The following PTPRG variants were observed in gnomAD, a reference collection of about 807,000 sequenced individuals.
PTPRG encodes the protein protein tyrosine phosphatase receptor type G.
Under a neutral mutation model 165.3 loss-of-function variants are expected in PTPRG, and 102 were observed. The ratio of observed to expected loss-of-function variants is 0.62; its 90% confidence interval spans 0.53 to 0.73. The LOEUF (loss-of-function observed/expected upper bound fraction) is 0.73, where lower values mean the gene tolerates loss of function less well. PTPRG is among the 30% of genes least tolerant of loss of function. PTPRG has a pLI of 0.00. For missense variants in PTPRG, 1,866 were observed against 1,861.4 expected, an observed-to-expected ratio of 1.00 and a Z score of -0.05; for synonymous variants, 675 against 669.5, an observed-to-expected ratio of 1.01 and a Z score of -0.13.
At chr3:61,913,240 G>A (rs948664632) in intron 2 of PTPRG, among the ~76,000 whole-genome samples, 4 of 152,192 alleles carry the variant, frequency 2.6e-5, no homozygotes, top group Middle Eastern at 3.4e-3. Flanking sequence ...TTTTTTCTGA[G>A]ACGGAGTCTC....
At chr3:62,246,004 C>T (rs184269059) in intron 15 of PTPRG, among the ~76,000 whole-genome samples, 1 of 152,230 alleles carries the variant, frequency 6.6e-6, no homozygotes, top group African/African-American at 2.4e-5. Flanking sequence ...TTCCCAGTTA[C>T]CTATTTAATT....
intron 1 of PTPRG, among the ~76,000 whole-genome samples, chr3:61,656,164 T>A (rs1702504971): frequency 6.6e-6 from 1 of 152,024 alleles, no homozygotes; most frequent in African/African-American, 2.4e-5. Context: ...CCCAGGAGTT[T>A]GAAGCTGCAG....
At chr3:61,570,852 G>A (rs770769913) in intron 1 of PTPRG, among the ~76,000 whole-genome samples, 2 of 152,144 alleles carry the variant, frequency 1.3e-5, no homozygotes, top group Admixed American at 1.3e-4. Flanking sequence ...TTCCAGAAGC[G>A]TTTCTCTTCA....
At chr3:61,981,115 C>G (rs920241000) in intron 2 of PTPRG, among the ~76,000 whole-genome samples, 2 of 152,202 alleles carry the variant, frequency 1.3e-5, no homozygotes, top group Admixed American at 1.3e-4. Flanking sequence ...CACCTCTTCA[C>G]TGGGTGGCAG....
At chr3:62,050,226 A>G (rs956464146) in intron 4 of PTPRG, among the ~76,000 whole-genome samples, 1 of 152,214 alleles carries the variant, frequency 6.6e-6, no homozygotes. Flanking sequence ...TGGATCACAT[A>G]TATGACAGTG....
At chr3:61,970,110 C>A (rs1381628904) in intron 2 of PTPRG, among the ~76,000 whole-genome samples, 1 of 152,104 alleles carries the variant, frequency 6.6e-6, no homozygotes, top group African/African-American at 2.4e-5. Flanking sequence ...TAATGAAATG[C>A]CACTTTTTTG....
chr3:62,166,392 A>G (rs1477305802), intron 7 of PTPRG, among the ~76,000 whole-genome samples: 1 of 151,424 alleles, frequency 6.6e-6, no homozygotes, highest in East Asian at 1.9e-4. Flanking sequence ...GCTGGAGTGC[A>G]GTGGCACAAT....
chr3:61,870,645 T>G (rs2037544771), intron 2 of PTPRG, among the ~76,000 whole-genome samples: 2 of 149,554 alleles, frequency 1.3e-5, no homozygotes, highest in South Asian at 4.2e-4. Context: ...CCTCCCAAAG[T>G]GCTGGGATTA....
chr3:62,117,589 A>G (rs1261554720), intron 5 of PTPRG, among the ~76,000 whole-genome samples: 3 of 152,182 alleles, frequency 2.0e-5, no homozygotes, highest in Non-Finnish European at 4.4e-5. Flanking sequence ...ACAACTATCA[A>G]TCTATCAGTC....
At chr3:61,589,443 A>C (rs1700513414) in intron 1 of PTPRG, among the ~76,000 whole-genome samples, 1 of 152,204 alleles carries the variant, frequency 6.6e-6, no homozygotes, top group African/African-American at 2.4e-5. Flanking sequence ...CTTCTCAGAT[A>C]TCTGCTTCTA....
intron 15 of PTPRG, among the ~76,000 whole-genome samples, chr3:62,251,400 GCTA>G (rs1369198665): frequency 6.6e-6 from 1 of 151,722 alleles, no homozygotes. Context: ...TGTAGTTTCA[GCTA>G]CTCAGGAGGC....
At chr3:62,188,571 C>T (rs980890825) in intron 8 of PTPRG, among the ~76,000 whole-genome samples, 2 of 152,026 alleles carry the variant, frequency 1.3e-5, no homozygotes, top group South Asian at 4.1e-4. Context: ...TTTTGTACTA[C>T]TTGGGTTCCT....
intron 2 of PTPRG, among the ~76,000 whole-genome samples, chr3:61,911,819 A>G (rs1450551458): frequency 6.6e-6 from 1 of 152,160 alleles, no homozygotes; most frequent in Non-Finnish European, 1.5e-5. Flanking sequence ...AGTTGGTTTC[A>G]TTGCCAGCAG....
intron 2 of PTPRG, among the ~76,000 whole-genome samples, chr3:61,884,567 G>A (rs1328337259): frequency 1.3e-5 from 2 of 152,172 alleles, no homozygotes; most frequent in African/African-American, 4.8e-5. Flanking sequence ...GAAGATACAA[G>A]GTTTTGCTTG....
intron 4 of PTPRG, among the ~76,000 whole-genome samples, chr3:62,014,751 C>T (rs2041500703): frequency 6.6e-6 from 1 of 152,184 alleles, no homozygotes; most frequent in Non-Finnish European, 1.5e-5. Flanking sequence ...TCTCTTTCAT[C>T]ATCATTCTTT....
chr3:62,066,522 C>T (rs2106710496), intron 4 of PTPRG, among the ~76,000 whole-genome samples: 1 of 151,084 alleles, frequency 6.6e-6, no homozygotes, highest in South Asian at 2.1e-4. Flanking sequence ...AGCACAAACA[C>T]TGTGGTAGTG....
chr3:62,181,731 C>T (rs943126315), intron 8 of PTPRG, among the ~76,000 whole-genome samples: 1 of 152,166 alleles, frequency 6.6e-6, no homozygotes, highest in African/African-American at 2.4e-5. Flanking sequence ...AGCCAGTTAT[C>T]CTCAGATATT....
chr3:61,592,647 TTC>T (rs1476089207), intron 1 of PTPRG, among the ~76,000 whole-genome samples: 5 of 147,554 alleles, frequency 3.4e-5, no homozygotes, highest in African/African-American at 1.3e-4. Context: ...CTTTCTTTCT[TTC>T]TTTTTTTTTT....
At chr3:61,965,264 GA>G (rs2040244609) in intron 2 of PTPRG, among the ~76,000 whole-genome samples, 1 of 138,168 alleles carries the variant, frequency 7.2e-6, no homozygotes, top group Admixed American at 7.3e-5. Flanking sequence ...AAAAAATCCA[GA>G]ATGACTACAG....
Sources: allele counts gnomAD v4.1 joint callset (sites outside exome capture counted in the v4.1 genomes callset), GRCh38; gene constraint gnomAD v4.1.1; transcripts MANE v1.5; gene names NCBI Gene and HGNC (gene_info 2026-07-23, HGNC 2026-07-21).